The following FUT9 variants were observed in gnomAD, a reference collection of about 807,000 sequenced individuals.
The protein encoded by FUT9 is 4-galactosyl-N-acetylglucosaminide 3-alpha-L-fucosyltransferase 9.
In FUT9, 15 loss-of-function variants were observed where a neutral mutation model predicts 29.7. The observed-to-expected ratio is 0.51, with a 90% CI of 0.34 to 0.78. The LOEUF is 0.78. FUT9 is among the 30% of genes least tolerant of loss of function. The pLI is 0.01. For synonymous variants in FUT9, 169 were observed against 153.7 expected, an observed-to-expected ratio of 1.10 and a Z score of -0.74; for missense variants, 319 against 425.4, an observed-to-expected ratio of 0.75 and a Z score of 2.20.
chr6:96,180,076 G>A (rs1465334002), intron 2 of FUT9, among the ~76,000 whole-genome samples: 6 of 152,062 alleles, frequency 3.9e-5, no homozygotes, highest in African/African-American at 7.2e-5. Context: ...CTGTCTCTCA[G>A]AGGAAATGCA....
intron 2 of FUT9, among the ~76,000 whole-genome samples, chr6:96,115,951 T>A (rs970572263): frequency 8.5e-5 from 13 of 152,084 alleles, no homozygotes; most frequent in Admixed American, 5.2e-4. Flanking sequence ...TTACAATGAG[T>A]AAATCAATAG....
At chr6:96,035,644 T>G (rs1459034337) in intron 1 of FUT9, among the ~76,000 whole-genome samples, 29 of 123,430 alleles carry the variant, frequency 2.3e-4, no homozygotes, top group Non-Finnish European at 3.4e-5. Context: ...AAATATTATA[T>G]TTATTATACT....
intron 1 of FUT9, among the ~76,000 whole-genome samples, chr6:96,106,729 C>T (rs892101334): frequency 6.6e-6 from 1 of 152,318 alleles, no homozygotes; most frequent in Middle Eastern, 3.4e-3. Flanking sequence ...TGGTCTGTCT[C>T]TCCCAGGCCT....
intron 1 of FUT9, among the ~76,000 whole-genome samples, chr6:96,075,545 T>C (rs919941315): frequency 6.6e-6 from 1 of 152,220 alleles, no homozygotes; most frequent in Non-Finnish European, 1.5e-5. Context: ...AAGTTACTTA[T>C]GTATAACTTT....
chr6:96,200,926 A>G (rs1773716375), intron 2 of FUT9, among the ~76,000 whole-genome samples: 1 of 151,856 alleles, frequency 6.6e-6, no homozygotes, highest in Non-Finnish European at 1.5e-5. Flanking sequence ...TCTAATATTT[A>G]TTATTGCTGA....
chr6:96,154,618 CTT>C (rs905407198), intron 2 of FUT9, among the ~76,000 whole-genome samples: 1 of 152,120 alleles, frequency 6.6e-6, no homozygotes, highest in African/African-American at 2.4e-5. Flanking sequence ...TCTACTGGCT[CTT>C]TTATATTCCA....
intron 2 of FUT9, among the ~76,000 whole-genome samples, chr6:96,148,052 T>A (rs72627718): frequency 3.5e-4 from 48 of 135,504 alleles, no homozygotes; most frequent in South Asian, 4.5e-4. Context: ...AAAAAAAAAA[T>A]ATTGAAACTG....
chr6:96,150,685 C>A (rs551385491), intron 2 of FUT9, among the ~76,000 whole-genome samples: 1 of 152,180 alleles, frequency 6.6e-6, no homozygotes, highest in Admixed American at 6.5e-5. Context: ...GACTAATCCA[C>A]GTGCCACTAA....
rs1231884273 is a variant in FUT9, at chr6:96,205,036, T to C, written c.*801T>C. 2 of 165,972 alleles carry C rather than the reference T, an allele frequency of 1.2e-5. No individual in the cohort carries two copies. Among genetic ancestry groups the C allele is most frequent in the African/African-American group, 4.8e-5 (2 of 41,434 alleles). 10.3% of individuals were successfully genotyped at this position (165,972 alleles called of 1,614,324 possible). On this transcript the variant is annotated 3_prime_UTR_variant, in exon 3 of 3. Transcript: ENST00000302103. The stretch of plus-strand genomic sequence containing the variant: ...ACACTCATTGTCATAATAAAACAAA[T>C]AATTTCCTCAAATAACAAAGAAAAA...
intron 1 of FUT9, among the ~76,000 whole-genome samples, chr6:96,084,395 A>C (rs570301599): frequency 1.3e-5 from 2 of 152,168 alleles, no homozygotes; most frequent in Non-Finnish European, 2.9e-5. Flanking sequence ...TAAAACAAAA[A>C]ATTTCAGTTT....
chr6:96,084,350 A>T (rs1288393970), intron 1 of FUT9, among the ~76,000 whole-genome samples: 1 of 152,124 alleles, frequency 6.6e-6, no homozygotes, highest in African/African-American at 2.4e-5. Context: ...AGCTACAGAA[A>T]GCGCTCTAAG....
At chr6:96,131,223 G>C (rs1772237555) in intron 2 of FUT9, among the ~76,000 whole-genome samples, 1 of 151,854 alleles carries the variant, frequency 6.6e-6, no homozygotes, top group South Asian at 2.1e-4. Flanking sequence ...CTACCTGCAT[G>C]AAGAAAAGTG....
intron 1 of FUT9, among the ~76,000 whole-genome samples, chr6:96,037,836 C>T (rs992694748): frequency 2.0e-5 from 3 of 152,020 alleles, no homozygotes; most frequent in African/African-American, 7.3e-5. Flanking sequence ...ATAATTACTG[C>T]AGTGATGAGT....
Position 96,211,643 on chromosome 6 carries a change from T to G in FUT9, c.*7408T>G, listed in dbSNP as rs1185906156. 1.2e-5 allele frequency: 2 copies of G among 167,370 alleles called. No individual in the cohort carries two copies. The highest frequency in any genetic ancestry group is 3.9e-4 in the East Asian group (2 of 5,190). The allele number at this position is 167,370 out of a possible 1,614,324, so 10.4% of individuals were successfully genotyped here. A position where few individuals can be genotyped will look rare whatever the true frequency, so the allele number is the denominator to read the frequency against. The stretch of plus-strand genomic sequence containing the variant: ...AGCCAGCCTGTGATTAAGGCTACCA[T>G]AATTGCATAATAAATAGCTTTGACG... On this transcript the variant is annotated 3_prime_UTR_variant, in exon 3 of 3. Coordinates refer to ENST00000302103, the MANE Select transcript of FUT9 (RefSeq NM_006581.4).
At chr6:96,135,091 T>C (rs1394555535) in intron 2 of FUT9, among the ~76,000 whole-genome samples, 1 of 151,932 alleles carries the variant, frequency 6.6e-6, no homozygotes, top group Non-Finnish European at 1.5e-5. Flanking sequence ...AAAATTACTC[T>C]TTCAATGACT....
At chr6:96,043,682 T>C (rs1770508859) in intron 1 of FUT9, among the ~76,000 whole-genome samples, 1 of 152,242 alleles carries the variant, frequency 6.6e-6, no homozygotes, top group African/African-American at 2.4e-5. Context: ...TTAATCTTCT[T>C]TGAATAGCAT....
At position 96,187,243 on chromosome 6, in the gene FUT9, A is replaced by AG. The variant is rs898204990; in HGVS notation, c.-8-15904dup. ...CAGAAATTAAGGGAAATGTTCTGGAAGAGATGCTGTGAGTGTTTCACTGAA... is the reference window on the plus strand; with the variant it reads ...CAGAAATTAAGGGAAATGTTCTGGAAGGAGATGCTGTGAGTGTTTCACTGAA... On this transcript the variant is annotated intron_variant, in intron 2 of 2. Transcript: ENST00000302103. 9.2e-5 allele frequency among the ~76,000 whole-genome samples: 14 copies of AG among 152,288 alleles called. 1 individual carries two copies. The highest frequency in any genetic ancestry group is 5.2e-4 in the Admixed American group (8 of 15,286).
intron 2 of FUT9, among the ~76,000 whole-genome samples, chr6:96,177,577 G>A (rs1292637001): frequency 6.6e-6 from 1 of 152,112 alleles, no homozygotes; most frequent in Non-Finnish European, 1.5e-5. Context: ...AAGACAGGAA[G>A]TTAACTCCTG....
chr6:96,029,255 ACT>A (rs1770220064), intron 1 of FUT9, among the ~76,000 whole-genome samples: 1 of 151,564 alleles, frequency 6.6e-6, no homozygotes, highest in Non-Finnish European at 1.5e-5. Flanking sequence ...CCAAAGACTG[ACT>A]GACAGTTTAG....
Sources: allele counts gnomAD v4.1 joint callset (sites outside exome capture counted in the v4.1 genomes callset), GRCh38; gene constraint gnomAD v4.1.1; transcripts MANE v1.5; gene names NCBI Gene and HGNC (gene_info 2026-07-23, HGNC 2026-07-21).